Variants in CASD1 observed in about 807,000 individuals in gnomAD.
The protein encoded by CASD1 is CAS1 domain sialic acid O acetyltransferase 1.
In CASD1, 41 loss-of-function variants were observed where a neutral mutation model predicts 100.0. The observed-to-expected ratio is 0.41, with a 90% CI of 0.32 to 0.53. The LOEUF (loss-of-function observed/expected upper bound fraction) is 0.53. Among genes scored for constraint, CASD1 ranks in the 20% least tolerant of loss-of-function variants. The probability of loss-of-function intolerance (pLI) is 0.25; values close to 1 mark genes in which losing one functional copy is unlikely to be tolerated. For missense variants in CASD1, 774 were observed against 948.7 expected (o/e 0.82, Z 2.42); for synonymous variants, 321 against 315.6 (o/e 1.02, Z -0.18).
At chr7:94,528,511 T>C (rs1273712003) in intron 5 of CASD1, among the ~76,000 whole-genome samples, 2 of 152,186 alleles carry the variant, frequency 1.3e-5, no homozygotes, top group African/African-American at 4.8e-5. Context: ...TAAAGTCTTC[T>C]GTTACTGCTG....
At chr7:94,519,800 C>T (rs889955212) in intron 3 of CASD1, among the ~76,000 whole-genome samples, 1 of 152,146 alleles carries the variant, frequency 6.6e-6, no homozygotes, top group Non-Finnish European at 1.5e-5. Flanking sequence ...AGCCACTGTG[C>T]CCAGCCTTTA....
At chr7:94,580,871 A>G in the CASD1 span, among the ~76,000 whole-genome samples, 1 of 152,216 alleles carries the variant, frequency 6.6e-6, no homozygotes, top group African/African-American at 2.4e-5. Context: ...AACAGGGAGT[A>G]GTCAGCCAAG....
chr7:94,549,983 T>G (rs528306415), intron 14 of CASD1, among the ~76,000 whole-genome samples: 2 of 152,188 alleles, frequency 1.3e-5, no homozygotes, highest in Admixed American at 1.3e-4. Context: ...GTTGATGCCA[T>G]GAAGTATACA....
At chr7:94,594,478 G>C in the CASD1 span, 5 of 151,986 alleles carry the variant, frequency 3.3e-5, no homozygotes, top group African/African-American at 1.2e-4. Flanking sequence ...ACACAAGAAA[G>C]GTCTAAGAAA....
chr7:94,538,874 G>A, intron 9 of CASD1, 93 bp from the exon 10 acceptor site: 1 of 559,212 alleles, frequency 1.8e-6, no homozygotes, highest in Admixed American at 3.5e-5. Context: ...TTAGCTTTAT[G>A]TCCTATAAGA....
At chr7:94,622,349 C>A in the CASD1 span, 1 of 152,034 alleles carries the variant, frequency 6.6e-6, no homozygotes. Context: ...AACTACAGGC[C>A]AGGTGTGGTG....
chr7:94,512,578 A>G (rs759892383), intron 1 of CASD1, among the ~76,000 whole-genome samples: 2 of 152,244 alleles, frequency 1.3e-5, no homozygotes, highest in Non-Finnish European at 2.9e-5. Context: ...CTGTGTGCTA[A>G]CGTTGAGCAC....
the CASD1 span, among the ~76,000 whole-genome samples, chr7:94,605,867 G>A: frequency 2.0e-3 from 304 of 151,714 alleles, 1 homozygote; most frequent in Non-Finnish European, 3.8e-3. Flanking sequence ...ACACAGTCTC[G>A]CCCTGTCACC....
chr7:94,522,365 C>T (rs886608769), intron 3 of CASD1, among the ~76,000 whole-genome samples: 5 of 152,120 alleles, frequency 3.3e-5, no homozygotes, highest in African/African-American at 7.2e-5. Flanking sequence ...TTTCTAATGA[C>T]GAAGAGTTCA....
At chr7:94,568,946 A>G in the CASD1 span, among the ~76,000 whole-genome samples, 1 of 152,178 alleles carries the variant, frequency 6.6e-6, no homozygotes, top group Non-Finnish European at 1.5e-5. Context: ...TTCATAAACT[A>G]CCCAGTCTCT....
chr7:94,539,766 T>C (rs1795302678), intron 10 of CASD1, among the ~76,000 whole-genome samples: 1 of 152,128 alleles, frequency 6.6e-6, no homozygotes, highest in Non-Finnish European at 1.5e-5. Context: ...AATTTGATTA[T>C]TATAGTTTAT....
chr7:94,538,721 T>C (rs1459237744), intron 9 of CASD1, among the ~76,000 whole-genome samples: 1 of 152,158 alleles, frequency 6.6e-6, no homozygotes, highest in African/African-American at 2.4e-5. Flanking sequence ...ACCAAGGGGA[T>C]CAACTTAAAT....
Position 94,555,637 on chromosome 7 carries a change from A to G in CASD1, c.2273A>G (p.Asp758Gly). The G allele has an allele frequency of 1.2e-6, 2 of 1,613,538 alleles. No individual in the cohort carries two copies. Among genetic ancestry groups the G allele is most frequent in the South Asian group, 1.1e-5 (1 of 91,070 alleles). ...VAHEISQITNDLAQIIIPKDN... is the reference protein window; with the variant it reads ...VAHEISQITNGLAQIIIPKDN... ...CATGAAATTTCTCAGATCACTAATGATCTTGCACAGATTATTATTCCTAAA... is the reference window on the plus strand; with the variant it reads ...CATGAAATTTCTCAGATCACTAATGGTCTTGCACAGATTATTATTCCTAAA... The change falls in exon 18 of 18, where the codon GAT becomes GGT. Residue 758 changes from aspartate to glycine, a missense_variant. Around this residue, in one of 5 missense-constraint regions of CASD1, gnomAD observed 175 missense variants for 206.9 expected, o/e 0.85. Transcript: ENST00000297273.
At chr7:94,591,047 G>T in the CASD1 span, among the ~76,000 whole-genome samples, 3 of 151,994 alleles carry the variant, frequency 2.0e-5, no homozygotes, top group African/African-American at 4.8e-5. Context: ...TCATCCCGAC[G>T]ATTATATTCG....
chr7:94,522,502 A>G (rs538725295), intron 3 of CASD1, among the ~76,000 whole-genome samples: 17 of 152,378 alleles, frequency 1.1e-4, no homozygotes, highest in African/African-American at 3.8e-4. Flanking sequence ...TACTGCTCTC[A>G]GTTAATGATA....
chr7:94,628,150 A>T, the CASD1 span: 1 of 1,394,888 alleles, frequency 7.2e-7, no homozygotes. Context: ...ACACACACAC[A>T]CACACACACA....
At chr7:94,599,013 C>T in the CASD1 span, 4 of 1,338,332 alleles carry the variant, frequency 3.0e-6, no homozygotes, top group East Asian at 2.4e-5. Context: ...ATATATTAGC[C>T]TGATGGGTCA....
At chr7:94,634,059 G>GA in the CASD1 span, among the ~76,000 whole-genome samples, 10 of 152,154 alleles carry the variant, frequency 6.6e-5, no homozygotes, top group African/African-American at 2.2e-4. Context: ...TCTTTGAGAA[G>GA]AAAGTCATAA....
the CASD1 span, among the ~76,000 whole-genome samples, chr7:94,593,505 A>C: frequency 6.6e-6 from 1 of 151,962 alleles, no homozygotes; most frequent in Non-Finnish European, 1.5e-5. Flanking sequence ...TATAATAATA[A>C]ATTATTTTTT....
Sources: allele counts gnomAD v4.1 joint callset (sites outside exome capture counted in the v4.1 genomes callset), GRCh38; gene constraint gnomAD v4.1.1; regional missense constraint gnomAD v4.1.1; transcripts MANE v1.5; gene names NCBI Gene and HGNC (gene_info 2026-07-23, HGNC 2026-07-21).